Variants in PDE4D observed in about 807,000 individuals in gnomAD.
PDE4D encodes the protein 3',5'-cyclic-AMP phosphodiesterase 4D.
Under a neutral mutation model 87.4 loss-of-function variants are expected in PDE4D, and 24 were observed. The observed-to-expected ratio is 0.27, with a 90% CI of 0.20 to 0.39. The LOEUF is 0.39. PDE4D is among the 10% of genes least tolerant of loss of function. The pLI is 1.00. For synonymous variants in PDE4D, 384 were observed against 383.2 expected (o/e 1.00, Z -0.02); for missense variants, 714 against 1,041.0 (o/e 0.69, Z 4.32).
chr5:60,101,682 A>T (rs1225997914), intron 2 of PDE4D, among the ~76,000 whole-genome samples: 1 of 152,152 alleles, frequency 6.6e-6, no homozygotes, highest in Non-Finnish European at 1.5e-5. Flanking sequence ...GTAGAATCTT[A>T]GAAGCTAGGA....
intron 1 of PDE4D, among the ~76,000 whole-genome samples, chr5:59,421,994 G>A (rs1794556686): frequency 6.6e-6 from 1 of 152,052 alleles, no homozygotes; most frequent in South Asian, 2.1e-4. Flanking sequence ...GAACGTGGGA[G>A]GAAGCCCTTA....
chr5:58,983,004 C>G (rs7713345), intron 11 of PDE4D, among the ~76,000 whole-genome samples: 124,154 of 152,234 alleles, frequency 0.82, 50,791 homozygotes, highest in Admixed American at 0.88. Flanking sequence ...CTAAGTCCCT[C>G]ACTATCCAGA....
intron 2 of PDE4D, among the ~76,000 whole-genome samples, chr5:60,102,977 CAA>C (rs201088621): frequency 0.046 from 5,714 of 122,886 alleles, 320 homozygotes; most frequent in African/African-American, 0.15. Context: ...GAAGAAATGA[CAA>C]AAAAAAAAAA....
At chr5:59,253,365 AAT>A (rs1211460485) in intron 1 of PDE4D, among the ~76,000 whole-genome samples, 5 of 152,268 alleles carry the variant, frequency 3.3e-5, no homozygotes, top group Admixed American at 1.3e-4. Flanking sequence ...CTCTAGTTAA[AAT>A]CATCTTCATA....
chr5:60,031,738 A>T (rs1290242367), intron 2 of PDE4D, among the ~76,000 whole-genome samples: 1 of 152,194 alleles, frequency 6.6e-6, no homozygotes, highest in Non-Finnish European at 1.5e-5. Context: ...TATTAAAATT[A>T]AACAAATAAT....
intron 2 of PDE4D, among the ~76,000 whole-genome samples, chr5:60,003,782 T>A (rs1214582236): frequency 6.6e-6 from 1 of 150,396 alleles, no homozygotes; most frequent in Non-Finnish European, 1.5e-5. Context: ...CCAAACTATA[T>A]TACAAAGCTA....
At chr5:60,201,824 A>T (rs182541262) in intron 1 of PDE4D, among the ~76,000 whole-genome samples, 4 of 152,364 alleles carry the variant, frequency 2.6e-5, no homozygotes, top group Admixed American at 2.0e-4. Context: ...CTAGAAGAGA[A>T]TCCAATAGAA....
chr5:59,932,801 T>C (rs1015228440), intron 3 of PDE4D, among the ~76,000 whole-genome samples: 3 of 152,182 alleles, frequency 2.0e-5, no homozygotes, highest in African/African-American at 7.2e-5. Context: ...GAGGGAAACA[T>C]TTCAGATGAA....
chr5:59,127,011 G>A (rs554232888), intron 5 of PDE4D, among the ~76,000 whole-genome samples: 18 of 152,276 alleles, frequency 1.2e-4, no homozygotes, highest in African/African-American at 4.1e-4. Context: ...CAAAGACTTC[G>A]TAACCTCCAA....
chr5:59,189,944 G>A (rs1411166799), intron 3 of PDE4D, among the ~76,000 whole-genome samples: 1 of 152,216 alleles, frequency 6.6e-6, no homozygotes, highest in Non-Finnish European at 1.5e-5. Flanking sequence ...AAACTATGGA[G>A]AGATACTATA....
intron 1 of PDE4D, among the ~76,000 whole-genome samples, chr5:59,668,755 A>AAAGAAGAAAGAAG (rs1446978186): frequency 6.9e-6 from 1 of 143,954 alleles, no homozygotes; most frequent in Non-Finnish European, 1.5e-5. Flanking sequence ...GAAGAAGAAG[A>AAAGAAGAAAGAAG]AAGAAGAAAG....
At chr5:60,453,812 T>C (rs1381742063) in intron 1 of PDE4D, among the ~76,000 whole-genome samples, 1 of 152,172 alleles carries the variant, frequency 6.6e-6, no homozygotes, top group African/African-American at 2.4e-5. Flanking sequence ...TACTGGCAAT[T>C]TCTAAGCTAT....
chr5:60,325,296 C>T (rs1756680641), intron 1 of PDE4D, among the ~76,000 whole-genome samples: 1 of 152,146 alleles, frequency 6.6e-6, no homozygotes, highest in Admixed American at 6.5e-5. Context: ...CTCAACCAAC[C>T]TCCCACTTAT....
intron 3 of PDE4D, among the ~76,000 whole-genome samples, chr5:59,911,595 T>C (rs529134025): frequency 4.6e-5 from 7 of 152,204 alleles, no homozygotes; most frequent in Non-Finnish European, 1.0e-4. Flanking sequence ...AATTCGTTTG[T>C]TTTGATAAAT....
chr5:59,250,919 C>G (rs562390648), intron 1 of PDE4D, among the ~76,000 whole-genome samples: 4 of 152,222 alleles, frequency 2.6e-5, no homozygotes, highest in African/African-American at 9.6e-5. Context: ...TAAAGAAAAG[C>G]AATGGAGAAA....
At chr5:60,337,388 T>TATATATATACACACACACACACACAC (rs66871903) in intron 1 of PDE4D, among the ~76,000 whole-genome samples, 1 of 89,478 alleles carries the variant, frequency 1.1e-5, no homozygotes, top group African/African-American at 4.3e-5. Context: ...TATATATATA[T>TATATATATACACACACACACACACAC]ACACACACAC....
chr5:59,030,422 CAA>C (rs373275661), intron 6 of PDE4D, among the ~76,000 whole-genome samples: 855 of 58,254 alleles, frequency 0.015, 3 homozygotes, highest in African/African-American at 0.057. Flanking sequence ...AACAGAGATA[CAA>C]AAAAAAAAAA....
intron 1 of PDE4D, among the ~76,000 whole-genome samples, chr5:60,410,829 T>C (rs545649931): frequency 1.8e-4 from 27 of 152,364 alleles, no homozygotes; most frequent in South Asian, 4.1e-4. Flanking sequence ...GATAATATGA[T>C]GGCAATGAGC....
At chr5:59,798,493 G>C (rs575206760) in intron 1 of PDE4D, among the ~76,000 whole-genome samples, 2 of 152,212 alleles carry the variant, frequency 1.3e-5, no homozygotes, top group African/African-American at 4.8e-5. Context: ...GAGCAGGAGA[G>C]ACGTAAAGCA....
Sources: allele counts gnomAD v4.1 joint callset (sites outside exome capture counted in the v4.1 genomes callset), GRCh38; gene constraint gnomAD v4.1.1; transcripts MANE v1.5; gene names NCBI Gene and HGNC (gene_info 2026-07-23, HGNC 2026-07-21).